The following GADL1 variants were observed in gnomAD, a reference collection of about 807,000 sequenced individuals.
GADL1 encodes GAD like acidic amino acid decarboxylase 1.
A neutral mutation model predicts 69.5 loss-of-function variants in GADL1; 71 were observed. The ratio of observed to expected loss-of-function variants is 1.02; its 90% CI spans 0.84 to 1.25. The LOEUF is 1.25. Ranked by LOEUF, GADL1 falls within the 50% of genes most tolerant of loss-of-function variation. The pLI is 0.00. For synonymous variants in GADL1, 254 were observed against 214.4 expected, an observed-to-expected ratio of 1.18 and a Z score of -1.62; for missense variants, 737 against 631.8, an observed-to-expected ratio of 1.17 and a Z score of -1.79.
At chr3:30,758,655 AAG>A (rs574693055) in intron 14 of GADL1, among the ~76,000 whole-genome samples, 42 of 152,332 alleles carry the variant, frequency 2.8e-4, no homozygotes, top group African/African-American at 7.0e-4. Flanking sequence ...TTGGTGGAAG[AAG>A]AGAGTAAAAA....
chr3:30,775,066 A>T (rs753257412), intron 14 of GADL1, among the ~76,000 whole-genome samples: 31 of 152,216 alleles, frequency 2.0e-4, no homozygotes, highest in Non-Finnish European at 3.7e-4. Context: ...GTCTTGAAAA[A>T]GTGAAGTCGT....
chr3:30,883,462 G>A (rs1698668202), intron 1 of GADL1, among the ~76,000 whole-genome samples: 1 of 152,010 alleles, frequency 6.6e-6, no homozygotes, highest in Non-Finnish European at 1.5e-5. Flanking sequence ...GACTGTATAT[G>A]TGAGGGGTTA....
intron 13 of GADL1, chr3:30,778,883 G>A (rs141481061): frequency 6.6e-5 from 10 of 152,276 alleles, no homozygotes; most frequent in African/African-American, 2.4e-4. Context: ...ATTCTCATAG[G>A]AACTCAGGTT....
At chr3:30,850,569 C>A (rs781231293) in intron 5 of GADL1, among the ~76,000 whole-genome samples, 3 of 152,104 alleles carry the variant, frequency 2.0e-5, no homozygotes, top group Non-Finnish European at 2.9e-5. Context: ...ACAGCCCTTC[C>A]AAACTTCCAG....
rs1409667154 is a variant in GADL1, at chr3:30,854,729, C to T, written c.398G>A (p.Arg133Gln). ...AGLDYYSLVA[R>Q]FMTEALNPSV... is the part of the protein sequence containing the mutation. The stretch of plus-strand genomic sequence containing the variant: ...TGGATTCAATGCTTCGGTCATAAAT[C>T]GGGCCACCAAGGAGTAATAATCAAG... Residue 133 changes from arginine to glutamine, a missense_variant, in exon 4 of 15, where the codon CGA becomes CAA. Arg to Gln is a conservative substitution (Grantham distance 43). Transcript: ENST00000282538. The T allele has an allele frequency of 1.5e-5, 24 of 1,549,438 alleles. No homozygotes were observed. The highest frequency in any genetic ancestry group is 4.9e-5 in the East Asian group (2 of 40,852).
Position 30,865,414 on chromosome 3 carries a change from A to C in GADL1, c.38-3649T>G, listed in dbSNP as rs561127466. ...CCATAGCACCCAGAAAGTGCCTGGC[A>C]GTTTGCAGGAGTTTGATGAACATTT... is the stretch of plus-strand genomic sequence containing the variant. On this transcript the variant is annotated intron_variant, in intron 1 of 14. Coordinates refer to ENST00000282538, the MANE Select transcript of GADL1 (RefSeq NM_207359.3). 5.9e-5 allele frequency among the ~76,000 whole-genome samples: 9 copies of C among 152,068 alleles called. No individual in the cohort carries two copies. The South Asian group carries it at 1.9e-3, about 32-fold the overall frequency.
chr3:30,809,541 A>G (rs1053218858), intron 11 of GADL1, among the ~76,000 whole-genome samples: 4 of 152,160 alleles, frequency 2.6e-5, no homozygotes, highest in African/African-American at 9.6e-5. Context: ...ATATTGACTC[A>G]GCTATCTTTC....
At chr3:30,776,128 AT>A (rs1380423525) in intron 14 of GADL1, among the ~76,000 whole-genome samples, 14 of 152,220 alleles carry the variant, frequency 9.2e-5, no homozygotes, top group African/African-American at 3.1e-4. Flanking sequence ...ATTAGCTTAT[AT>A]ATCCATACTC....
rs973459694 is a variant in GADL1, at chr3:30,728,399, T to C, written c.1409A>G (p.Lys470Arg). The C allele has an allele frequency of 6.2e-7, 1 of 1,613,606 alleles. No homozygotes were observed. ...AKLNLVAPAI[K>R]ERMMKKGSLM... ...GCTTCCCTTCTTCATCATCCTCTCC[T>C]TAATGGCTGGGGCCACCTGTGTGGG... Residue 470 changes from lysine to arginine, a missense_variant, in exon 15 of 15, where the codon AAG becomes AGG. Coordinates refer to ENST00000282538, the MANE Select transcript of GADL1 (RefSeq NM_207359.3).
intron 14 of GADL1, among the ~76,000 whole-genome samples, chr3:30,765,033 T>C (rs1350584486): frequency 8.1e-6 from 1 of 122,740 alleles, no homozygotes; most frequent in South Asian, 2.5e-4. Flanking sequence ...AACTGCAAAT[T>C]GACTTTTTCC....
At chr3:30,888,935 G>A (rs1333820006) in intron 1 of GADL1, among the ~76,000 whole-genome samples, 1 of 151,694 alleles carries the variant, frequency 6.6e-6, no homozygotes, top group Non-Finnish European at 1.5e-5. Flanking sequence ...GGAACCAACA[G>A]TAAAATTTTT....
chr3:30,862,931 C>G (rs1189263188), intron 1 of GADL1, among the ~76,000 whole-genome samples: 1 of 151,682 alleles, frequency 6.6e-6, no homozygotes, highest in East Asian at 1.9e-4. Context: ...TGGAGGAGAC[C>G]AAGAAATGTA....
intron 14 of GADL1, among the ~76,000 whole-genome samples, chr3:30,771,062 CAAG>C (rs957781140): frequency 7.2e-5 from 11 of 152,236 alleles, no homozygotes; most frequent in African/African-American, 2.6e-4. Flanking sequence ...GCGCATACAA[CAAG>C]AATTTTATTG....
intron 12 of GADL1, among the ~76,000 whole-genome samples, chr3:30,787,185 TAAAAA>T (rs1696812561): frequency 1.3e-5 from 2 of 151,234 alleles, no homozygotes; most frequent in South Asian, 2.1e-4. Context: ...CCCCAAAACT[TAAAAA>T]ATACAAGAAA....
chr3:30,754,398 A>G (rs561683662), intron 14 of GADL1, among the ~76,000 whole-genome samples: 6 of 152,318 alleles, frequency 3.9e-5, no homozygotes, highest in Non-Finnish European at 7.3e-5. Context: ...TTCTGATAGG[A>G]TATATTCAAC....
intron 14 of GADL1, among the ~76,000 whole-genome samples, chr3:30,773,542 C>T (rs1367459334): frequency 3.3e-5 from 5 of 152,164 alleles, no homozygotes; most frequent in Non-Finnish European, 7.3e-5. Flanking sequence ...TTTACATGTA[C>T]TTAAGTATAC....
intron 1 of GADL1, among the ~76,000 whole-genome samples, chr3:30,886,524 G>A (rs1191542535): frequency 2.0e-5 from 3 of 152,122 alleles, no homozygotes; most frequent in Admixed American, 2.0e-4. Flanking sequence ...GCCAAGGGAT[G>A]GGGAGTGGGG....
chr3:30,832,511 G>C (rs1697809034), intron 11 of GADL1, among the ~76,000 whole-genome samples: 1 of 151,964 alleles, frequency 6.6e-6, no homozygotes, highest in South Asian at 2.1e-4. Flanking sequence ...TTTAGTCTAA[G>C]TTCTCCACTC....
intron 3 of GADL1, among the ~76,000 whole-genome samples, chr3:30,855,583 A>G (rs1043298175): frequency 6.6e-6 from 1 of 151,970 alleles, no homozygotes; most frequent in Admixed American, 6.6e-5. Flanking sequence ...TTAAGAGACA[A>G]ACAATGGCTT....
Sources: allele counts gnomAD v4.1 joint callset (sites outside exome capture counted in the v4.1 genomes callset), GRCh38; gene constraint gnomAD v4.1.1; transcripts MANE v1.5; gene names NCBI Gene and HGNC (gene_info 2026-07-23, HGNC 2026-07-21).